The following RPS6KA5 variants were observed in gnomAD, a reference collection of about 807,000 sequenced individuals.
RPS6KA5 encodes the protein ribosomal protein S6 kinase alpha-5.
Under a neutral mutation model 85.5 loss-of-function variants are expected in RPS6KA5, and 27 were observed. That is an observed-to-expected ratio of 0.32 (90% CI 0.23 to 0.44). The LOEUF (loss-of-function observed/expected upper bound fraction) is 0.44. RPS6KA5 is among the 20% of genes least tolerant of loss of function. RPS6KA5 has a pLI of 1.00. For synonymous variants in RPS6KA5, 334 were observed against 348.2 expected (o/e 0.96, Z 0.46); for missense variants, 811 against 980.9 (o/e 0.83, Z 2.31).
intron 1 of RPS6KA5, among the ~76,000 whole-genome samples, chr14:91,055,676 G>C (rs766599085): frequency 3.3e-5 from 5 of 152,186 alleles, no homozygotes; most frequent in Non-Finnish European, 7.3e-5. Context: ...TTACTCAGGA[G>C]GCTGAGGCAG....
chr14:90,970,909 A>AT (rs2039288979), intron 3 of RPS6KA5, among the ~76,000 whole-genome samples: 1 of 108,458 alleles, frequency 9.2e-6, no homozygotes, highest in Non-Finnish European at 2.0e-5. Context: ...ATGTTGTTGA[A>AT]TTAAAAAAAA....
chr14:90,894,134 G>A, intron 13 of RPS6KA5: 1 of 1,057,298 alleles, frequency 9.5e-7, no homozygotes, highest in Non-Finnish European at 1.1e-6. Context: ...GCTATTTTTA[G>A]TCCACAACTG....
At chr14:90,934,818 A>G (rs1353456843) in intron 5 of RPS6KA5, among the ~76,000 whole-genome samples, 4 of 152,060 alleles carry the variant, frequency 2.6e-5, no homozygotes, top group South Asian at 2.1e-4. Flanking sequence ...TATCTGGGGG[A>G]AAAAAATCTC....
rs2032195727 is a variant in RPS6KA5, at chr14:90,854,923, A to T, written c.*17151T>A. ...GTACTGCAATATAAATTCTTCACAT[A>T]AAGATTTTATGTAAAACACTCTGCA... On this transcript the variant is annotated 3_prime_UTR_variant, in exon 17 of 17. Transcript: ENST00000614987. The T allele has an allele frequency of 6.6e-6, 1 of 152,218 alleles. No homozygotes were observed. The highest frequency in any genetic ancestry group is 6.5e-5 in the Admixed American group (1 of 15,288). The allele number at this position is 152,218 out of a possible 1,614,324, so 9.4% of individuals were successfully genotyped here. A position where few individuals can be genotyped will look rare whatever the true frequency, so the allele number is the denominator to read the frequency against.
chr14:91,022,817 T>C (rs2139801339), intron 1 of RPS6KA5, among the ~76,000 whole-genome samples: 1 of 152,290 alleles, frequency 6.6e-6, no homozygotes, highest in East Asian at 1.9e-4. Flanking sequence ...CCGGGCGTGG[T>C]TGCTCACACA....
chr14:90,893,655 A>G (rs2034676776), intron 13 of RPS6KA5, among the ~76,000 whole-genome samples: 1 of 152,128 alleles, frequency 6.6e-6, no homozygotes, highest in African/African-American at 2.4e-5. Flanking sequence ...ACAAAGTTCT[A>G]TTTTGGAGAG....
chr14:91,055,438 C>T (rs2043275035), intron 1 of RPS6KA5, among the ~76,000 whole-genome samples: 1 of 152,136 alleles, frequency 6.6e-6, no homozygotes, highest in Non-Finnish European at 1.5e-5. Context: ...CAATGGAACA[C>T]AATTTATCAA....
intron 1 of RPS6KA5, among the ~76,000 whole-genome samples, chr14:91,032,312 G>C (rs978016720): frequency 2.6e-5 from 4 of 152,164 alleles, no homozygotes; most frequent in African/African-American, 9.7e-5. Context: ...AAAGAGTCTA[G>C]ATTCTTAGGG....
At chr14:91,004,420 G>A (rs1473042869) in intron 1 of RPS6KA5, among the ~76,000 whole-genome samples, 1 of 152,086 alleles carries the variant, frequency 6.6e-6, no homozygotes, top group African/African-American at 2.4e-5. Context: ...GATAGGGTAG[G>A]ATACAGAAAT....
chr14:91,026,607 C>T (rs1176133049), intron 1 of RPS6KA5, among the ~76,000 whole-genome samples: 2 of 152,162 alleles, frequency 1.3e-5, no homozygotes, highest in Admixed American at 1.3e-4. Flanking sequence ...GTGAATAGTA[C>T]TGTGATGAAC....
chr14:90,928,989 T>C (rs1372889842), intron 5 of RPS6KA5, among the ~76,000 whole-genome samples: 1 of 152,010 alleles, frequency 6.6e-6, no homozygotes, highest in Non-Finnish European at 1.5e-5. Context: ...ATACATATCA[T>C]GGAAAGTTAA....
chr14:90,885,741 C>CAAAAAAAAAAAAAAAA (rs11312699), intron 14 of RPS6KA5, among the ~76,000 whole-genome samples: 5 of 27,886 alleles, frequency 1.8e-4, no homozygotes, highest in African/African-American at 5.3e-4. Context: ...GACTCCATCT[C>CAAAAAAAAAAAAAAAA]AAAAAAAAAA....
chr14:90,916,941 T>C (rs939408067), intron 7 of RPS6KA5, among the ~76,000 whole-genome samples: 21 of 152,186 alleles, frequency 1.4e-4, no homozygotes, highest in African/African-American at 5.1e-4. Context: ...TCATAAGAAA[T>C]ATACTTCTCT....
intron 1 of RPS6KA5, among the ~76,000 whole-genome samples, chr14:91,044,846 G>T (rs546323212): frequency 6.6e-6 from 1 of 150,576 alleles, no homozygotes; most frequent in South Asian, 2.1e-4. Context: ...ACTCCAGCCT[G>T]GGCAACAGAG....
intron 1 of RPS6KA5, among the ~76,000 whole-genome samples, chr14:91,053,074 AT>A (rs1386897874): frequency 6.6e-6 from 1 of 152,208 alleles, no homozygotes; most frequent in Non-Finnish European, 1.5e-5. Flanking sequence ...TCAAAAGTTA[AT>A]TAATGTAATA....
chr14:90,997,539 C>T (rs1213675433), intron 2 of RPS6KA5, among the ~76,000 whole-genome samples: 2 of 152,084 alleles, frequency 1.3e-5, no homozygotes, highest in Non-Finnish European at 2.9e-5. Context: ...TCACACCATG[C>T]CCAACCAATT....
chr14:91,045,737 G>C (rs749623980), intron 1 of RPS6KA5, among the ~76,000 whole-genome samples: 1 of 152,078 alleles, frequency 6.6e-6, no homozygotes, highest in Non-Finnish European at 1.5e-5. Flanking sequence ...GAGTCATCTT[G>C]TTACAAAGCA....
At chr14:91,018,295 A>C (rs2041591815) in intron 1 of RPS6KA5, among the ~76,000 whole-genome samples, 1 of 152,214 alleles carries the variant, frequency 6.6e-6, no homozygotes, top group African/African-American at 2.4e-5. Flanking sequence ...TATATGTACT[A>C]ATCAAGTCTT....
In RPS6KA5 at chr14:90,900,110, T is replaced by C. The variant is rs963622583; in HGVS notation, c.1377A>G (p.Lys459=). Residue 459 remains lysine, a splice_region_variant and synonymous_variant, in exon 11 of 17, where the codon AAA becomes AAG. Transcript: ENST00000614987. ...TATTATATTAAAAATGGTCATACCT[T>C]TTGCTGATTATTTTGACTGCAAAAG... ...NQAFAVKIIS[K]RMEANTQKEI... 6.3e-7 allele frequency: 1 copy of C among 1,597,044 alleles called. No homozygotes were observed. Among genetic ancestry groups the C allele is most frequent in the Admixed American group, 1.7e-5 (1 of 58,472 alleles).
Sources: allele counts gnomAD v4.1 joint callset (sites outside exome capture counted in the v4.1 genomes callset), GRCh38; gene constraint gnomAD v4.1.1; transcripts MANE v1.5; gene names NCBI Gene and HGNC (gene_info 2026-07-23, HGNC 2026-07-21).